CD96: variants seen among roughly 807,000 people sequenced by gnomAD.
CD96 encodes the protein CD96 molecule.
A neutral mutation model predicts 71.3 loss-of-function variants in CD96; 70 were observed. The observed-to-expected ratio is 0.98, with a 90% CI of 0.81 to 1.20. CD96 has a LOEUF of 1.20. Among genes scored for constraint, CD96 ranks in the 50% most tolerant of loss-of-function variants. CD96 has a pLI of 0.00. For missense variants in CD96, 742 were observed against 677.5 expected (o/e 1.10, Z -1.06); for synonymous variants, 248 against 233.0 (o/e 1.06, Z -0.59).
chr3:111,585,481 C>T, intron 5 of CD96, 103 bp downstream of exon 5: 2 of 762,966 alleles, frequency 2.6e-6, no homozygotes, highest in South Asian at 1.4e-5. Flanking sequence ...TACTCCTTGG[C>T]CCTTGACCAA....
intron 5 of CD96, among the ~76,000 whole-genome samples, chr3:111,596,277 G>T (rs1937257474): frequency 6.6e-6 from 1 of 151,906 alleles, no homozygotes; most frequent in Non-Finnish European, 1.5e-5. Context: ...AGAAAAAAAA[G>T]ATGGGGGAAA....
chr3:111,642,175 A>G (rs141527875), intron 12 of CD96, among the ~76,000 whole-genome samples: 56 of 152,338 alleles, frequency 3.7e-4, no homozygotes, highest in African/African-American at 1.2e-3. Context: ...AAACAACAAC[A>G]ACAAAAATGC....
chr3:111,628,214 A>G lies in CD96; in HGVS notation c.1321+3810A>G, dbSNP rs569605205. Among the ~76,000 whole-genome samples the G allele has an allele frequency of 1.1e-4, 17 of 152,332 alleles. No individual in the cohort carries two copies. The South Asian group carries it at 2.3e-3, about 20-fold the overall frequency. ...GACAGAAGTAGCCTTCAGAATATGG[A>G]TAAAAATGAAGTTCACTGAGCTAAA... On this transcript the variant is annotated intron_variant, in intron 10 of 13. Transcript: ENST00000352690.
intron 7 of CD96, among the ~76,000 whole-genome samples, chr3:111,602,095 C>T (rs1305456847): frequency 1.3e-5 from 2 of 152,166 alleles, no homozygotes; most frequent in Non-Finnish European, 2.9e-5. Flanking sequence ...TAAGTCAGCT[C>T]CTTCCTGGAA....
intron 8 of CD96, among the ~76,000 whole-genome samples, chr3:111,608,833 G>A (rs1323947530): frequency 6.6e-6 from 1 of 152,184 alleles, no homozygotes; most frequent in African/African-American, 2.4e-5. Context: ...ATTATTTAAT[G>A]CTAAAGAAAA....
chr3:111,567,776 G>A (rs1356019601), intron 3 of CD96, 129 bp downstream of exon 3: 2 of 848,658 alleles, frequency 2.4e-6, no homozygotes, highest in Non-Finnish European at 3.9e-6. Flanking sequence ...GTGGTGGGAA[G>A]AGGGGTAGGG....
intron 10 of CD96, among the ~76,000 whole-genome samples, chr3:111,626,075 G>T (rs548728292): frequency 6.6e-6 from 1 of 152,018 alleles, no homozygotes. Flanking sequence ...AGGCTGAGGC[G>T]GGTGGATCAC....
chr3:111,661,631 C>T (rs1940361416), intron 14 of CD96, among the ~76,000 whole-genome samples: 1 of 152,226 alleles, frequency 6.6e-6, no homozygotes, highest in Non-Finnish European at 1.5e-5. Context: ...AGTCTGAACA[C>T]CAGCAGGGCC....
intron 5 of CD96, among the ~76,000 whole-genome samples, chr3:111,586,437 A>G (rs182637065): frequency 7.9e-4 from 120 of 152,336 alleles, no homozygotes; most frequent in Non-Finnish European, 1.1e-3. Flanking sequence ...AACTTGGAAA[A>G]ATATCTTCCA....
At chr3:111,623,379 A>G (rs1015914095) in intron 8 of CD96, among the ~76,000 whole-genome samples, 2 of 152,192 alleles carry the variant, frequency 1.3e-5, no homozygotes, top group Non-Finnish European at 2.9e-5. Context: ...TTTTCACAGT[A>G]GTATTTGTGA....
chr3:111,552,692 T>C (rs1040692899), intron 2 of CD96, among the ~76,000 whole-genome samples: 3 of 152,144 alleles, frequency 2.0e-5, no homozygotes, highest in Admixed American at 2.0e-4. Flanking sequence ...CAAGCCAGAT[T>C]TGGCCCACAG....
At chr3:111,567,220 G>A (rs1935758224) in intron 2 of CD96, among the ~76,000 whole-genome samples, 2 of 152,196 alleles carry the variant, frequency 1.3e-5, no homozygotes, top group Admixed American at 1.3e-4. Context: ...TCAAGGAAAT[G>A]GAACCTGAAG....
chr3:111,591,545 T>A (rs1230310142), intron 5 of CD96, among the ~76,000 whole-genome samples: 1 of 152,124 alleles, frequency 6.6e-6, no homozygotes, highest in Admixed American at 6.5e-5. Context: ...ACTCCAAAAA[T>A]ATGTGTTTTG....
At chr3:111,636,833 C>G (rs1180409516) in intron 10 of CD96, among the ~76,000 whole-genome samples, 2 of 152,182 alleles carry the variant, frequency 1.3e-5, no homozygotes, top group African/African-American at 2.4e-5. Context: ...CTTTTCTTGA[C>G]TAAACGCCGC....
At chr3:111,617,778 T>A (rs1042971707) in intron 8 of CD96, among the ~76,000 whole-genome samples, 2 of 151,504 alleles carry the variant, frequency 1.3e-5, no homozygotes, top group African/African-American at 4.9e-5. Context: ...ACTGAAAGAG[T>A]TGTAACACAA....
chr3:111,635,786 A>G (rs1056974087), intron 10 of CD96, among the ~76,000 whole-genome samples: 8 of 152,200 alleles, frequency 5.3e-5, no homozygotes, highest in African/African-American at 1.2e-4. Context: ...AATTTATCCC[A>G]TTCTTTCTTG....
At chr3:111,569,273 A>G (rs947536467) in intron 3 of CD96, among the ~76,000 whole-genome samples, 9 of 152,142 alleles carry the variant, frequency 5.9e-5, no homozygotes, top group Admixed American at 5.9e-4. Context: ...AGTAAATAAT[A>G]AAAAGAATTA....
chr3:111,664,604 C>A (rs1940436988), intron 14 of CD96, among the ~76,000 whole-genome samples: 1 of 152,108 alleles, frequency 6.6e-6, no homozygotes, highest in Admixed American at 6.5e-5. Context: ...CAAACCTCAG[C>A]ATCACACAAT....
chr3:111,629,725 C>A (rs1294235652), intron 10 of CD96, among the ~76,000 whole-genome samples: 1 of 152,192 alleles, frequency 6.6e-6, no homozygotes, highest in Non-Finnish European at 1.5e-5. Context: ...TTCTTCTCAT[C>A]ACCTCATGGC....
Sources: allele counts gnomAD v4.1 joint callset (sites outside exome capture counted in the v4.1 genomes callset), GRCh38; gene constraint gnomAD v4.1.1; transcripts MANE v1.5; gene names NCBI Gene and HGNC (gene_info 2026-07-23, HGNC 2026-07-21).